The following ZNF638 variants were observed in gnomAD, a reference collection of about 807,000 sequenced individuals.
ZNF638 encodes CTCL tumor antigen se33-1.
In ZNF638, 46 loss-of-function variants were observed where a neutral mutation model predicts 195.6. The ratio of observed to expected loss-of-function variants is 0.24; its 90% confidence interval spans 0.19 to 0.30. The LOEUF is 0.30. Among genes scored for constraint, ZNF638 ranks in the 10% least tolerant of loss-of-function variants. The pLI is 1.00. For synonymous variants in ZNF638, 845 were observed against 772.0 expected, an observed-to-expected ratio of 1.09 and a Z score of -1.57; for missense variants, 2,440 against 2,325.3, an observed-to-expected ratio of 1.05 and a Z score of -1.01.
intron 1 of ZNF638, among the ~76,000 whole-genome samples, chr2:71,341,181 A>G (rs1038888089): frequency 6.6e-6 from 1 of 152,200 alleles, no homozygotes; most frequent in African/African-American, 2.4e-5. Context: ...CCGTTTCATC[A>G]TGGCTTCCTC....
chr2:71,365,093 C>G (rs2079173264), intron 5 of ZNF638, among the ~76,000 whole-genome samples: 1 of 152,078 alleles, frequency 6.6e-6, no homozygotes, highest in African/African-American at 2.4e-5. Flanking sequence ...CTTTCAGTGG[C>G]AAAAACTGCA....
At chr2:71,389,919 C>T (rs990040789) in intron 10 of ZNF638, among the ~76,000 whole-genome samples, 2 of 152,164 alleles carry the variant, frequency 1.3e-5, no homozygotes, top group African/African-American at 4.8e-5. Flanking sequence ...GGAACTTACA[C>T]GAGCACGTCA....
chr2:71,353,017 G>A lies in ZNF638; in HGVS notation c.1318-2702G>A, dbSNP rs1044425880. ...CTAAGTGGCCAAATGATAGGGATTT[G>A]TGAAGATGGATTTCGATGGTACACA... On this transcript the variant is annotated intron_variant, in intron 2 of 27. Coordinates refer to ENST00000264447, the MANE Select transcript of ZNF638 (RefSeq NM_014497.5). 7.2e-5 allele frequency among the ~76,000 whole-genome samples: 11 copies of A among 152,278 alleles called. No homozygotes were observed. In the South Asian group the frequency reaches 1.0e-3, roughly 14 times the overall value.
intron 1 of ZNF638, chr2:71,333,177 T>C (rs866061788): frequency 6.6e-5 from 10 of 152,238 alleles, no homozygotes; most frequent in South Asian, 2.1e-4. Context: ...TTAGTGGACT[T>C]ATGTTGCTGT....
rs571637849 is a variant in ZNF638 at position 71,368,543 on chromosome 2, C to G, written c.2142+15C>G. On this transcript the variant is annotated intron_variant, in intron 7 of 27. Coordinates refer to ENST00000264447, the MANE Select transcript of ZNF638 (RefSeq NM_014497.5). Reference sequence around the variant, plus strand: ...ATAGAAAAGAGGTGAGTCATTTAGTCTGTGGCAAAAATTCATACAAAGTGA... The same window carrying G: ...ATAGAAAAGAGGTGAGTCATTTAGTGTGTGGCAAAAATTCATACAAAGTGA... 1 of 1,608,042 alleles carries G rather than the reference C, an allele frequency of 6.2e-7. No individual in the cohort carries two copies. Among genetic ancestry groups the G allele is most frequent in the Non-Finnish European group, 8.5e-7 (1 of 1,178,380 alleles).
intron 21 of ZNF638, among the ~76,000 whole-genome samples, chr2:71,421,174 A>G (rs2080424257): frequency 6.6e-6 from 1 of 152,104 alleles, no homozygotes; most frequent in African/African-American, 2.4e-5. Context: ...TTTCTTCATT[A>G]TTGGAAATGA....
intron 10 of ZNF638, among the ~76,000 whole-genome samples, chr2:71,384,220 G>A (rs763409781): frequency 3.3e-5 from 5 of 152,098 alleles, no homozygotes; most frequent in South Asian, 2.1e-4. Flanking sequence ...CAGACCTGTC[G>A]TCTCACATTT....
At chr2:71,432,193 G>C (rs1196756114) in intron 26 of ZNF638, among the ~76,000 whole-genome samples, 1 of 152,022 alleles carries the variant, frequency 6.6e-6, no homozygotes, top group African/African-American at 2.4e-5. Flanking sequence ...ATTCCTAAGA[G>C]GTTTATTTTT....
chr2:71,381,942 T>TA (rs776068055), intron 10 of ZNF638, among the ~76,000 whole-genome samples: 59 of 152,094 alleles, frequency 3.9e-4, no homozygotes, highest in Non-Finnish European at 7.2e-4. Context: ...TGGAGAGATG[T>TA]AAAAATCCCA....
At chr2:71,351,509 A>T (rs1196759116) in intron 2 of ZNF638, among the ~76,000 whole-genome samples, 1 of 152,194 alleles carries the variant, frequency 6.6e-6, no homozygotes, top group Non-Finnish European at 1.5e-5. Flanking sequence ...TAAGTAGTGA[A>T]TTGAGTGTTT....
At chr2:71,379,573 A>G (rs1429917175) in intron 8 of ZNF638, 1 of 152,188 alleles carries the variant, frequency 6.6e-6, no homozygotes, top group African/African-American at 2.4e-5. Context: ...CAATTTGGAT[A>G]TGCCAAAGAG....
chr2:71,361,270 A>G (rs2079104767), intron 3 of ZNF638, among the ~76,000 whole-genome samples: 1 of 152,166 alleles, frequency 6.6e-6, no homozygotes, highest in Non-Finnish European at 1.5e-5. Flanking sequence ...CCAGCTCTTG[A>G]ATATTAGTCT....
intron 1 of ZNF638, among the ~76,000 whole-genome samples, chr2:71,332,315 C>T (rs3771382): frequency 1.8e-4 from 27 of 152,026 alleles, no homozygotes; most frequent in Admixed American, 5.9e-4. Flanking sequence ...GAAGCGTTCC[C>T]GTCGGGCCCG....
intron 2 of ZNF638, among the ~76,000 whole-genome samples, chr2:71,354,395 A>G (rs985989050): frequency 8.7e-5 from 13 of 150,036 alleles, no homozygotes; most frequent in African/African-American, 3.2e-4. Context: ...ATGGGTACAC[A>G]TTGTAATTTT....
intron 21 of ZNF638, among the ~76,000 whole-genome samples, chr2:71,421,407 T>G (rs1343921985): frequency 6.6e-6 from 1 of 152,024 alleles, no homozygotes; most frequent in Non-Finnish European, 1.5e-5. Flanking sequence ...ACTTGCACAA[T>G]GGATAGAATA....
At chr2:71,351,446 AAGTCTT>A (rs2078939051) in intron 2 of ZNF638, among the ~76,000 whole-genome samples, 1 of 152,200 alleles carries the variant, frequency 6.6e-6, no homozygotes, top group African/African-American at 2.4e-5. Context: ...TTACAAGGGA[AAGTCTT>A]AGAATAATTC....
At chr2:71,401,871 T>A in intron 15 of ZNF638, 85 bp from the exon 16 acceptor site, 1 of 1,180,850 alleles carries the variant, frequency 8.5e-7, no homozygotes, top group Non-Finnish European at 1.2e-6. Flanking sequence ...AACAATATAC[T>A]AATATAACAT....
chr2:71,369,248 G>C (rs371786928), intron 7 of ZNF638, among the ~76,000 whole-genome samples: 10 of 151,454 alleles, frequency 6.6e-5, no homozygotes, highest in Non-Finnish European at 1.5e-4. Flanking sequence ...TCTTGAACCC[G>C]GGAGGCAGAG....
intron 20 of ZNF638, among the ~76,000 whole-genome samples, chr2:71,417,661 T>G (rs13417248): frequency 0.096 from 13,833 of 144,812 alleles, 676 homozygotes; most frequent in South Asian, 0.14. Context: ...CCATGCAGGG[T>G]TTTTTTTTTT....
Sources: gnomAD v4.1 joint callset for allele counts (sites outside exome capture counted in the v4.1 genomes callset) on GRCh38, gnomAD v4.1.1 for gene constraint, MANE v1.5 for transcripts, NCBI Gene and HGNC (gene_info 2026-07-23, HGNC 2026-07-21) for gene names.